DPP6: variants seen among roughly 807,000 people sequenced by gnomAD.
DPP6 encodes dipeptidyl peptidase like 6.
A neutral mutation model predicts 122.6 loss-of-function variants in DPP6; 69 were observed. That is an observed-to-expected ratio of 0.56 (90% CI 0.46 to 0.69). The LOEUF (loss-of-function observed/expected upper bound fraction) is 0.69. DPP6 is among the 30% of genes least tolerant of loss of function. DPP6 has a pLI of 0.00. For synonymous variants in DPP6, 418 were observed against 433.1 expected, an observed-to-expected ratio of 0.97 and a Z score of 0.43; for missense variants, 928 against 1,116.9, an observed-to-expected ratio of 0.83 and a Z score of 2.41.
chr7:154,800,093 C>T (rs1476938497), intron 12 of DPP6, among the ~76,000 whole-genome samples: 2 of 152,200 alleles, frequency 1.3e-5, no homozygotes, highest in Non-Finnish European at 2.9e-5. Flanking sequence ...CGCTACCCGC[C>T]GCACAGTTGG....
intron 1 of DPP6, among the ~76,000 whole-genome samples, chr7:153,970,133 C>G (rs182022318): frequency 1.3e-5 from 2 of 152,208 alleles, no homozygotes; most frequent in African/African-American, 2.4e-5. Context: ...TTGAATAAAG[C>G]TATGAACACT....
chr7:154,296,173 T>C (rs1585856956), intron 1 of DPP6, among the ~76,000 whole-genome samples: 1 of 152,134 alleles, frequency 6.6e-6, no homozygotes, highest in East Asian at 2.0e-4. Context: ...CTCAATCTCG[T>C]GACCTTGTGA....
At chr7:154,668,661 C>T (rs897515790) in intron 6 of DPP6, among the ~76,000 whole-genome samples, 9 of 152,142 alleles carry the variant, frequency 5.9e-5, no homozygotes. Flanking sequence ...ACGTTGGAGA[C>T]AGCAGTAGCT....
rs1168416191 is a variant in DPP6 at position 154,148,222 on chromosome 7, C to T, written c.243+95159C>T. 1.8e-5 allele frequency among the ~76,000 whole-genome samples: 2 copies of T among 112,880 alleles called. 1 individual carries two copies. Among genetic ancestry groups the T allele is most frequent in the Admixed American group, 1.7e-4 (2 of 11,936 alleles). 74.1% of individuals were successfully genotyped at this position (112,880 alleles called of 152,430 possible). A position where few individuals can be genotyped will look rare whatever the true frequency, so the allele number is the denominator to read the frequency against. On this transcript the variant is annotated intron_variant, in intron 1 of 25. Transcript: ENST00000377770. ...GTAATGGGAGGTCCCCCGTCTGACT[C>T]ACACCTGACAGTCGGGCCTGTCCCA...
chr7:154,377,551 G>A (rs999212117), intron 1 of DPP6, among the ~76,000 whole-genome samples: 2 of 152,162 alleles, frequency 1.3e-5, no homozygotes, highest in African/African-American at 2.4e-5. Context: ...CATGAGGGCA[G>A]TTTCCTTCTT....
At chr7:153,935,902 A>C (rs1801414314) in intron 1 of DPP6, among the ~76,000 whole-genome samples, 1 of 152,226 alleles carries the variant, frequency 6.6e-6, no homozygotes, top group Non-Finnish European at 1.5e-5. Flanking sequence ...GGCTGGTTAC[A>C]TGTTGCATCA....
chr7:154,313,715 A>ACG lies in DPP6; in HGVS notation c.244-132498_244-132497insGC, dbSNP rs1491302304. Among the ~76,000 whole-genome samples, 3 of 35,810 alleles carry ACG rather than the reference A, an allele frequency of 8.4e-5. 1 individual carries two copies. In the East Asian group the frequency reaches 3.5e-3, roughly 42 times the overall value. The allele number at this position is 35,810 out of a possible 152,430, so 23.5% of individuals were successfully genotyped here. Reference sequence around the variant, plus strand: ...TATATATATATATATATATATATATACACACACACGCACGCACACACACAC... The same window carrying ACG: ...TATATATATATATATATATATATATACGCACACACACGCACGCACACACACAC... On this transcript the variant is annotated intron_variant, in intron 1 of 25. Transcript: ENST00000377770.
At chr7:154,170,824 TA>T (rs1436547616) in intron 1 of DPP6, among the ~76,000 whole-genome samples, 2 of 152,214 alleles carry the variant, frequency 1.3e-5, no homozygotes, top group African/African-American at 4.8e-5. Flanking sequence ...ATAAGGTTGA[TA>T]TTTTTTTCCC....
At chr7:154,061,318 G>T (rs1801834846) in intron 1 of DPP6, among the ~76,000 whole-genome samples, 1 of 148,380 alleles carries the variant, frequency 6.7e-6, no homozygotes, top group African/African-American at 2.5e-5. Flanking sequence ...CCAGCCCTGG[G>T]GCTACCCGAT....
intron 1 of DPP6, among the ~76,000 whole-genome samples, chr7:154,205,790 T>A (rs866800373): frequency 2.0e-5 from 3 of 147,718 alleles, no homozygotes; most frequent in Non-Finnish European, 4.4e-5. Flanking sequence ...AAAAATTAAT[T>A]AATTAATTAA....
intron 16 of DPP6, among the ~76,000 whole-genome samples, chr7:154,817,059 C>G (rs1256203930): frequency 1.3e-5 from 2 of 152,178 alleles, no homozygotes; most frequent in Admixed American, 6.5e-5. Context: ...CTCCCAGATG[C>G]CCCTCCTACA....
chr7:154,328,018 C>G (rs959349676), intron 1 of DPP6, among the ~76,000 whole-genome samples: 13 of 152,176 alleles, frequency 8.5e-5, no homozygotes, highest in Admixed American at 2.6e-4. Flanking sequence ...TCCTGAGACC[C>G]CTCTGGTGGA....
chr7:153,955,646 T>C (rs1802423940), intron 1 of DPP6, among the ~76,000 whole-genome samples: 1 of 151,982 alleles, frequency 6.6e-6, no homozygotes, highest in South Asian at 2.1e-4. Flanking sequence ...GCCATGTTGG[T>C]CAGGCTGGTC....
Position 154,893,567 on chromosome 7 carries a change from G to A in DPP6, c.*1087G>A, listed in dbSNP as rs1011147829. On this transcript the variant is annotated 3_prime_UTR_variant, in exon 26 of 26. Transcript: ENST00000377770. The stretch of plus-strand genomic sequence containing the variant: ...AGTCCTGAGGGTTCTGTGGGCCTGC[G>A]CGCATCCCTCTCCCATCGTGGGGGT... The A allele has an allele frequency of 3.3e-5, 5 of 151,652 alleles. No individual in the cohort carries two copies. The highest frequency in any genetic ancestry group is 6.6e-5 in the Admixed American group (1 of 15,236). 9.4% of individuals were successfully genotyped at this position (151,652 alleles called of 1,614,324 possible). A position where few individuals can be genotyped will look rare whatever the true frequency, so the allele number is the denominator to read the frequency against.
At chr7:154,198,455 G>A (rs1016072644) in intron 1 of DPP6, among the ~76,000 whole-genome samples, 1 of 152,034 alleles carries the variant, frequency 6.6e-6, no homozygotes, top group African/African-American at 2.4e-5. Flanking sequence ...GGAATTGCAG[G>A]TGTGTGCCAC....
chr7:154,643,473 T>C (rs796533540), intron 6 of DPP6, among the ~76,000 whole-genome samples: 3 of 147,272 alleles, frequency 2.0e-5, no homozygotes, highest in African/African-American at 5.2e-5. Flanking sequence ...ATTTCTTTTT[T>C]TTTTTTTTTT....
intron 1 of DPP6, among the ~76,000 whole-genome samples, chr7:153,915,960 T>G (rs1189005718): frequency 2.0e-5 from 3 of 151,580 alleles, no homozygotes; most frequent in African/African-American, 7.3e-5. Context: ...TATTTATTTA[T>G]TTATTTATTT....
At chr7:153,893,450 A>G (rs1249491948) in intron 1 of DPP6, among the ~76,000 whole-genome samples, 1 of 152,234 alleles carries the variant, frequency 6.6e-6, no homozygotes, top group Non-Finnish European at 1.5e-5. Flanking sequence ...AATTCGTTAA[A>G]TGAATGGATA....
At chr7:154,019,330 C>T (rs1304304220) in intron 1 of DPP6, among the ~76,000 whole-genome samples, 2 of 152,142 alleles carry the variant, frequency 1.3e-5, no homozygotes, top group Admixed American at 6.6e-5. Flanking sequence ...TTATCTGCCT[C>T]TACCTTCTTC....
Sources: gnomAD v4.1 joint callset for allele counts (sites outside exome capture counted in the v4.1 genomes callset) on GRCh38, gnomAD v4.1.1 for gene constraint, MANE v1.5 for transcripts, NCBI Gene and HGNC (gene_info 2026-07-23, HGNC 2026-07-21) for gene names.